OPA1: variants seen among roughly 807,000 people sequenced by gnomAD.
OPA1 encodes dynamin-like GTPase OPA1, mitochondrial.
OPA1 carries 59 observed loss-of-function variants against 152.9 expected under a neutral mutation model. The observed-to-expected ratio is 0.39, with a 90% CI of 0.31 to 0.48. OPA1 has a LOEUF of 0.48. Among genes scored for constraint, OPA1 ranks in the 20% least tolerant of loss-of-function variants. OPA1 has a pLI of 0.96. For missense variants in OPA1, 1,008 were observed against 1,216.8 expected (o/e 0.83, Z 2.55); for synonymous variants, 400 against 389.9 (o/e 1.03, Z -0.31).
intron 1 of OPA1, among the ~76,000 whole-genome samples, chr3:193,610,121 A>G (rs1462646312): frequency 6.6e-6 from 1 of 152,284 alleles, no homozygotes; most frequent in Admixed American, 6.5e-5. Context: ...TCTGATTTTT[A>G]GAATTTTCAG....
intron 28 of OPA1, among the ~76,000 whole-genome samples, 178 bp downstream of exon 28, chr3:193,666,567 CGCTT>C (rs1560046026): frequency 1.3e-5 from 2 of 152,176 alleles, no homozygotes; most frequent in African/African-American, 4.8e-5. Flanking sequence ...GCAGGAAAAC[CGCTT>C]GAGGCCTGTA....
At chr3:193,621,061 C>T (rs1729970014) in intron 6 of OPA1, among the ~76,000 whole-genome samples, 1 of 152,176 alleles carries the variant, frequency 6.6e-6, no homozygotes, top group African/African-American at 2.4e-5. Context: ...CAGATTTAAA[C>T]AGTATTTAGA....
intron 5 of OPA1, 80 bp from the exon 6 acceptor site, chr3:193,618,789 T>A: frequency 8.9e-7 from 1 of 1,128,504 alleles, no homozygotes; most frequent in Non-Finnish European, 1.4e-6. Context: ...CACCTTTTCA[T>A]TGACTCGATG....
rs1203396211 is a variant in OPA1 at position 193,695,400 on chromosome 3, G to A, written c.*800G>A. 1 of 152,108 alleles carries A rather than the reference G, an allele frequency of 6.6e-6. No homozygotes were observed. The highest frequency in any genetic ancestry group is 1.5e-5 in the Non-Finnish European group (1 of 68,022). The allele number at this position is 152,108 out of a possible 1,614,324, so 9.4% of individuals were successfully genotyped here. On this transcript the variant is annotated 3_prime_UTR_variant, in exon 31 of 31. Transcript: ENST00000361510. ...GACAGAGCCACCGGATTATGACACA[G>A]GATGAGGAAGATTAAGGATAATCAA...
intron 1 of OPA1, among the ~76,000 whole-genome samples, 184 bp downstream of exon 1, chr3:193,593,593 G>A (rs1484407528): frequency 2.0e-5 from 3 of 152,102 alleles, no homozygotes; most frequent in African/African-American, 4.8e-5. Context: ...GTTCGGAGCC[G>A]GCTTCAATAC....
Position 193,632,004 on chromosome 3 carries a change from G to A in OPA1, c.843+339G>A, listed in dbSNP as rs192467359. On this transcript the variant is annotated intron_variant, in intron 8 of 30. Coordinates refer to ENST00000361510, the MANE Select transcript of OPA1 (RefSeq NM_130837.3). ...AAATTCGAGTTGAGTCTACCACATC[G>A]TTCTAGTGGGCTCTCAGGAACCTTT... is the stretch of plus-strand genomic sequence containing the variant. 1.4e-4 allele frequency among the ~76,000 whole-genome samples: 21 copies of A among 152,290 alleles called. No individual in the cohort carries two copies. In the South Asian group the frequency reaches 2.7e-3, roughly 20 times the overall value.
At position 193,657,012 on chromosome 3, in the gene OPA1, T is replaced by C. The variant is rs372206749; in HGVS notation, c.2179-68T>C. On this transcript the variant is annotated intron_variant, in intron 22 of 30. Transcript: ENST00000361510. ...CACATCTGTTTGGCTTGAGCTCGTG[T>C]TATTTTTCATGTTAACCATTGAAGT... 5 of 1,383,004 alleles carry C rather than the reference T, an allele frequency of 3.6e-6. No individual in the cohort carries two copies. The African/African-American group carries it at 4.4e-5, about 12-fold the overall frequency. 85.7% of individuals were successfully genotyped at this position (1,383,004 alleles called of 1,614,324 possible).
At position 193,667,242 on chromosome 3, in the gene OPA1, T is replaced by G. The variant is rs2109277811; in HGVS notation, c.2945T>G (p.Leu982Trp). The part of the protein sequence containing the change: ...FAEDGEKKIK[L>W]LTGKRVQLAE... Reference sequence around the variant, plus strand: ...GAAGATGGTGAGAAGAAGATTAAATTGCTTACTGGTAAACGCGTTCAACTG... The same window carrying G: ...GAAGATGGTGAGAAGAAGATTAAATGGCTTACTGGTAAACGCGTTCAACTG... The change falls in exon 29 of 31, where the codon TTG becomes TGG. Residue 982 changes from leucine to tryptophan, a missense_variant. Leu to Trp is a moderately conservative substitution (Grantham distance 61). Transcript: ENST00000361510. 1 of 1,604,536 alleles carries G rather than the reference T, an allele frequency of 6.2e-7. No homozygotes were observed. Among genetic ancestry groups the G allele is most frequent in the Middle Eastern group, 1.7e-4 (1 of 6,042 alleles).
At chr3:193,616,743 A>T (rs1560331000) in intron 3 of OPA1, among the ~76,000 whole-genome samples, 1 of 152,202 alleles carries the variant, frequency 6.6e-6, no homozygotes, top group African/African-American at 2.4e-5. Context: ...TTTTCATCAA[A>T]TTTTTTTAAA....
chr3:193,617,187 G>A lies in OPA1; in HGVS notation c.458G>A (p.Arg153Lys), dbSNP rs766257852. 2 of 1,597,486 alleles carry A rather than the reference G, an allele frequency of 1.3e-6. No individual in the cohort carries two copies. The highest frequency in any genetic ancestry group is 4.5e-5 in the East Asian group (2 of 44,726). The change falls in exon 4 of 31, where the codon AGA (arginine) becomes AAA (lysine). Residue 153 changes from arginine (R) to lysine (K), a missense_variant. Arg to Lys is a conservative substitution (Grantham distance 26). Around this residue, in one of 7 missense-constraint regions of OPA1, gnomAD observed 408 missense variants for 395.1 expected, o/e 1.03. Coordinates refer to ENST00000361510, the MANE Select transcript of OPA1 (RefSeq NM_130837.3). Reference sequence around the variant, plus strand: ...TTTTGATCTTTTCCAGAGAAAATTAGAAAAGCCCTTCCTAGTTCAGAAGAC... The same window carrying A: ...TTTTGATCTTTTCCAGAGAAAATTAAAAAAGCCCTTCCTAGTTCAGAAGAC... ...IDEYIDFEKI[R>K]KALPSSEDLV...
At chr3:193,622,387 C>T (rs1730289543) in intron 6 of OPA1, among the ~76,000 whole-genome samples, 1 of 151,866 alleles carries the variant, frequency 6.6e-6, no homozygotes. Flanking sequence ...TGCCACCACG[C>T]CTAGCTAATT....
rs1261746583 is a variant in OPA1 at position 193,664,956 on chromosome 3, G to C, written c.2738G>C (p.Arg913Thr). ...CTAAACCATTGTAACCTTTGTCGAA[G>C]AGGTTTTTATTACTACCAAAGGCAT... Reference protein sequence around the residue: ...TALNHCNLCRRGFYYYQRHFV... With the variant: ...TALNHCNLCRTGFYYYQRHFV... Residue 913 changes from arginine to threonine, a missense_variant, in exon 27 of 31, where the codon AGA becomes ACA. Arg to Thr is a moderately conservative substitution (Grantham distance 71). Coordinates refer to ENST00000361510, the MANE Select transcript of OPA1 (RefSeq NM_130837.3). 6.2e-7 allele frequency: 1 copy of C among 1,608,304 alleles called. No homozygotes were observed. The highest frequency in any genetic ancestry group is 1.7e-5 in the Admixed American group (1 of 59,904).
chr3:193,620,073 G>A (rs985732939), intron 6 of OPA1, among the ~76,000 whole-genome samples: 1 of 150,894 alleles, frequency 6.6e-6, no homozygotes, highest in Non-Finnish European at 1.5e-5. Flanking sequence ...GCTACTGGGG[G>A]AAAAAAAAAT....
intron 14 of OPA1, 40 bp from the exon 15 acceptor site, chr3:193,643,488 T>C (rs977436168): frequency 3.7e-6 from 6 of 1,605,926 alleles, no homozygotes; most frequent in Non-Finnish European, 5.1e-6. Flanking sequence ...TCTTATTGTG[T>C]GAAGCATTTA....
At chr3:193,653,308 TA>T (rs766863244) in intron 21 of OPA1, among the ~76,000 whole-genome samples, 4 of 152,226 alleles carry the variant, frequency 2.6e-5, no homozygotes, top group Non-Finnish European at 5.9e-5. Context: ...GACTTAATTT[TA>T]CACAAAATGT....
intron 26 of OPA1, among the ~76,000 whole-genome samples, chr3:193,664,326 A>ATGTTT (rs777373627): frequency 4.6e-5 from 7 of 152,060 alleles, no homozygotes; most frequent in Non-Finnish European, 8.8e-5. Context: ...AAAGGGGTTG[A>ATGTTT]TGTTTTTCTA....
intron 8 of OPA1, among the ~76,000 whole-genome samples, chr3:193,632,487 A>C (rs1005142480): frequency 1.3e-4 from 20 of 152,004 alleles, no homozygotes; most frequent in African/African-American, 4.3e-4. Flanking sequence ...TCTCAAAAAG[A>C]AAAAAAAGTT....
chr3:193,650,939 G>A lies in OPA1; in HGVS notation c.2012+2068G>A, dbSNP rs1451267807. Among the ~76,000 whole-genome samples, 3 of 152,020 alleles carry A rather than the reference G, an allele frequency of 2.0e-5. No individual in the cohort carries two copies. In the East Asian group the frequency reaches 5.8e-4, roughly 29 times the overall value. ...CATTTTTAGAAATTCTCGGACTTCA[G>A]AAATCAAAGATTTGCAATATCATAA... is the stretch of plus-strand genomic sequence containing the variant. On this transcript the variant is annotated intron_variant, in intron 21 of 30. Coordinates refer to ENST00000361510, the MANE Select transcript of OPA1 (RefSeq NM_130837.3).
intron 18 of OPA1, among the ~76,000 whole-genome samples, 158 bp from the exon 19 acceptor site, chr3:193,646,907 A>T (rs1469774401): frequency 6.6e-6 from 1 of 152,212 alleles, no homozygotes; most frequent in African/African-American, 2.4e-5. Context: ...TAGCTACCGT[A>T]TTGGAATGTT....
Sources: gnomAD v4.1 joint callset for allele counts (sites outside exome capture counted in the v4.1 genomes callset) on GRCh38, gnomAD v4.1.1 for gene constraint, gnomAD v4.1.1 regional missense constraint, MANE v1.5 for transcripts, NCBI Gene and HGNC (gene_info 2026-07-23, HGNC 2026-07-21) for gene names.